The following COL27A1 variants were observed in gnomAD, a reference collection of about 807,000 sequenced individuals.
COL27A1 encodes collagen alpha-1(XXVII) chain.
A neutral mutation model predicts 251.3 loss-of-function variants in COL27A1; 106 were observed. That is an observed-to-expected ratio of 0.42 (90% CI 0.36 to 0.50). The LOEUF (loss-of-function observed/expected upper bound fraction) is 0.50, where lower values mean the gene tolerates loss of function less well. Among genes scored for constraint, COL27A1 ranks in the 20% least tolerant of loss-of-function variants. The pLI is 0.00. For synonymous variants in COL27A1, 1,000 were observed against 986.3 expected, an observed-to-expected ratio of 1.01 and a Z score of -0.26; for missense variants, 2,325 against 2,522.8, an observed-to-expected ratio of 0.92 and a Z score of 1.68.
intron 1 of COL27A1, 146 bp downstream of exon 1, chr9:114,156,158 G>A: frequency 3.3e-6 from 4 of 1,212,294 alleles, no homozygotes; most frequent in Non-Finnish European, 4.2e-6. Flanking sequence ...GGACGCCAAG[G>A]GTTAATAGGG....
At chr9:114,238,422 A>T (rs145503783) in intron 19 of COL27A1, among the ~76,000 whole-genome samples, 1 of 152,264 alleles carries the variant, frequency 6.6e-6, no homozygotes, top group East Asian at 1.9e-4. Context: ...TCTCAGGATC[A>T]TTGGCACCCA....
chr9:114,275,374 A>G (rs1835429761), intron 36 of COL27A1, among the ~76,000 whole-genome samples: 1 of 152,080 alleles, frequency 6.6e-6, no homozygotes, highest in South Asian at 2.1e-4. Context: ...TGCAGTCAGG[A>G]CCCCGGCTTA....
intron 15 of COL27A1, 59 bp from the exon 16 acceptor site, chr9:114,231,763 G>T: frequency 2.6e-6 from 4 of 1,567,488 alleles, no homozygotes; most frequent in Non-Finnish European, 3.5e-6. Flanking sequence ...TTAAGCCAGG[G>T]CTCCTGACTT....
chr9:114,168,934 C>G lies in COL27A1; in HGVS notation c.1379C>G (p.Thr460Ser). Residue 460 changes from threonine (T) to serine (S), a missense_variant, in exon 3 of 61, where the codon ACT becomes AGT. Thr to Ser is a moderately conservative substitution (Grantham distance 58). Transcript: ENST00000356083. ...AAACCCATTCCCACACTAGCTCGGA[C>G]TGAGGCCAAGATAACCAGCCATGCC... The part of the protein sequence containing the change: ...SKKPIPTLAR[T>S]EAKITSHASK... 6.2e-7 allele frequency: 1 copy of G among 1,614,150 alleles called. No homozygotes were observed. Among genetic ancestry groups the G allele is most frequent in the Non-Finnish European group, 8.5e-7 (1 of 1,180,022 alleles).
chr9:114,190,729 T>C (rs961349844), intron 5 of COL27A1, among the ~76,000 whole-genome samples: 3 of 152,234 alleles, frequency 2.0e-5, no homozygotes, highest in Non-Finnish European at 2.9e-5. Flanking sequence ...GGCTCCCATC[T>C]GTCTTCTAGT....
At chr9:114,201,243 C>T (rs2135278154) in intron 7 of COL27A1, among the ~76,000 whole-genome samples, 1 of 152,354 alleles carries the variant, frequency 6.6e-6, no homozygotes, top group African/African-American at 2.4e-5. Context: ...TCCCTTAGTG[C>T]CAGTCAGGCA....
intron 49 of COL27A1, among the ~76,000 whole-genome samples, chr9:114,294,686 C>T (rs1828149303): frequency 6.6e-6 from 1 of 152,182 alleles, no homozygotes; most frequent in African/African-American, 2.4e-5. Context: ...AGAAGTTCCT[C>T]AACTTGATAA....
At chr9:114,208,665 C>A (rs1371910676) in intron 10 of COL27A1, among the ~76,000 whole-genome samples, 2 of 151,962 alleles carry the variant, frequency 1.3e-5, no homozygotes, top group African/African-American at 4.8e-5. Flanking sequence ...GGTTACTGCC[C>A]TTTAGAAGTT....
Position 114,284,750 on chromosome 9 carries a change from T to A in COL27A1, c.3960T>A (p.Leu1320=), listed in dbSNP as rs1320613550. The part of the protein sequence containing the change: ...YDGHKGIVGP[L]GPPGPKGEKG... ...GACACAAAGGCATTGTGGGACCCCTTGGACCTCCTGGACCAAAAGGCGAAA... is the reference window on the plus strand; with the variant it reads ...GACACAAAGGCATTGTGGGACCCCTAGGACCTCCTGGACCAAAAGGCGAAA... The change falls in exon 41 of 61, where the codon CTT becomes CTA. Residue 1320 remains leucine, a synonymous_variant. Transcript: ENST00000356083. 6.2e-7 allele frequency: 1 copy of A among 1,614,082 alleles called. No individual in the cohort carries two copies. Among genetic ancestry groups the A allele is most frequent in the Non-Finnish European group, 8.5e-7 (1 of 1,180,026 alleles).
intron 13 of COL27A1, 138 bp from the exon 14 acceptor site, chr9:114,222,085 G>T (rs756438453): frequency 7.4e-6 from 5 of 676,542 alleles, no homozygotes; most frequent in African/African-American, 5.3e-5. Flanking sequence ...CAGGAAAGTC[G>T]CTGGAGCCTG....
At chr9:114,302,726 C>CAAAAAAAAA (rs60188308) in intron 56 of COL27A1, among the ~76,000 whole-genome samples, 14 of 139,208 alleles carry the variant, frequency 1.0e-4, no homozygotes, top group Middle Eastern at 3.8e-3. Flanking sequence ...ACAAAAAAAA[C>CAAAAAAAAA]AAAAAAAAAA....
At chr9:114,256,642 G>A (rs1833941589) in intron 27 of COL27A1, among the ~76,000 whole-genome samples, 1 of 152,138 alleles carries the variant, frequency 6.6e-6, no homozygotes, top group African/African-American at 2.4e-5. Flanking sequence ...TGCGAGAGCA[G>A]GCAGCTACCT....
intron 1 of COL27A1, among the ~76,000 whole-genome samples, chr9:114,158,816 C>A (rs1438987917): frequency 6.6e-6 from 1 of 152,166 alleles, no homozygotes; most frequent in South Asian, 2.1e-4. Flanking sequence ...GGGCTCGGGT[C>A]TCTGGCAAGT....
chr9:114,290,240 C>A lies in COL27A1; in HGVS notation c.4277C>A (p.Pro1426Gln), dbSNP rs1827818608. ...ACCCCCCAGGGCCTGCAGGGGCTGC[C>A]AGGGCCCCGGGGCGTGGTGGGGAGA... Reference protein sequence around the residue: ...RRGVQGLQGLPGPRGVVGRQG... With the variant: ...RRGVQGLQGLQGPRGVVGRQG... Residue 1426 changes from proline (P) to glutamine (Q), a missense_variant, in exon 47 of 61, where the codon CCA (proline) becomes CAA (glutamine). By Grantham distance (76) the Pro-to-Gln change is moderately conservative. This residue lies in a region of COL27A1 where 662 missense variants were observed against 795.3 expected (regional missense o/e 0.83). Coordinates refer to ENST00000356083, the MANE Select transcript of COL27A1 (RefSeq NM_032888.4). This position sits in a 1 kb window ranked among gnomAD's most constrained non-coding sequence, Gnocchi z 4.6. 6.4e-7 allele frequency: 1 copy of A among 1,572,130 alleles called. No individual in the cohort carries two copies. Among genetic ancestry groups the A allele is most frequent in the Non-Finnish European group, 8.6e-7 (1 of 1,158,412 alleles).
chr9:114,208,840 G>A (rs1830157478), intron 10 of COL27A1, among the ~76,000 whole-genome samples: 1 of 152,106 alleles, frequency 6.6e-6, no homozygotes. Context: ...GCGCTTATGA[G>A]AGCTGGGCTT....
intron 10 of COL27A1, among the ~76,000 whole-genome samples, chr9:114,208,004 T>C (rs1029757782): frequency 6.6e-6 from 1 of 151,978 alleles, no homozygotes; most frequent in Non-Finnish European, 1.5e-5. Context: ...GTATGCAGAG[T>C]GGTTAGGAGC....
chr9:114,250,423 C>G (rs1833457042), intron 24 of COL27A1, among the ~76,000 whole-genome samples, 192 bp from the exon 25 acceptor site: 1 of 152,214 alleles, frequency 6.6e-6, no homozygotes, highest in Admixed American at 6.5e-5. Context: ...AAATCAGAAC[C>G]ATCTGGTGGA....
intron 32 of COL27A1, 68 bp from the exon 33 acceptor site, chr9:114,266,497 C>T (rs1834752576): frequency 7.3e-7 from 1 of 1,373,232 alleles, no homozygotes. Context: ...CCTCATTCAC[C>T]CCTCCAGATC....
At chr9:114,163,872 G>T (rs1461716176) in intron 2 of COL27A1, among the ~76,000 whole-genome samples, 1 of 147,794 alleles carries the variant, frequency 6.8e-6, no homozygotes, top group Non-Finnish European at 1.5e-5. Context: ...GGCGGGGGGA[G>T]AGGCTGGAGC....
Sources: allele counts gnomAD v4.1 joint callset (sites outside exome capture counted in the v4.1 genomes callset), GRCh38; gene constraint gnomAD v4.1.1; regional missense constraint gnomAD v4.1.1; non-coding constraint Gnocchi (gnomAD v3.1); transcripts MANE v1.5; gene names NCBI Gene and HGNC (gene_info 2026-07-23, HGNC 2026-07-21).